The following ATG7 variants were observed in gnomAD, a reference collection of about 807,000 sequenced individuals.
ATG7 encodes the protein autophagy related 7, also known as ubiquitin-like modifier-activating enzyme ATG7.
Under a neutral mutation model 82.4 loss-of-function variants are expected in ATG7, and 70 were observed. The ratio of observed to expected loss-of-function variants is 0.85; its 90% CI spans 0.70 to 1.04. ATG7 has a LOEUF of 1.04. ATG7 is among the 50% of genes least tolerant of loss of function. The probability of loss-of-function intolerance (pLI) is 0.00; values close to 1 mark genes in which losing one functional copy is unlikely to be tolerated. For missense variants in ATG7, 792 were observed against 864.3 expected, an observed-to-expected ratio of 0.92 and a Z score of 1.05; for synonymous variants, 287 against 313.0, an observed-to-expected ratio of 0.92 and a Z score of 0.88.
At chr3:11,494,603 C>T (rs998539692) in intron 20 of ATG7, among the ~76,000 whole-genome samples, 1 of 152,178 alleles carries the variant, frequency 6.6e-6, no homozygotes, top group African/African-American at 2.4e-5. Context: ...TCTTTGGTTC[C>T]ATTTGGCAAA....
At chr3:11,294,779 C>T (rs1945590533) in intron 3 of ATG7, among the ~76,000 whole-genome samples, 1 of 152,104 alleles carries the variant, frequency 6.6e-6, no homozygotes, top group Non-Finnish European at 1.5e-5. Flanking sequence ...TTCTTTCCTC[C>T]ACAGGAAGTG....
At chr3:11,348,189 G>C in intron 14 of ATG7, 154 bp downstream of exon 14, 1 of 1,085,564 alleles carries the variant, frequency 9.2e-7, no homozygotes. Context: ...CCTCATCTCA[G>C]AGAGGGATAA....
chr3:11,548,774 C>T (rs1040389554), intron 20 of ATG7, among the ~76,000 whole-genome samples: 2 of 148,618 alleles, frequency 1.3e-5, no homozygotes, highest in Non-Finnish European at 3.0e-5. Flanking sequence ...GCTGGTTCCC[C>T]GCTGAGGGCC....
rs567005100 is a variant in ATG7 at position 11,358,187 on chromosome 3, T to C, written c.1285-231T>C. ...CCACTTTGGAACTGAGATCCGTATG[T>C]CTCTGTTTGCTGCCCTGCCCTGCCT... is the stretch of plus-strand genomic sequence containing the variant. On this transcript the variant is annotated intron_variant, in intron 14 of 20. Transcript: ENST00000693202. Among the ~76,000 whole-genome samples, 3 of 152,136 alleles carry C rather than the reference T, an allele frequency of 2.0e-5. No homozygotes were observed. The South Asian group carries it at 6.2e-4, about 32-fold the overall frequency.
At chr3:11,356,231 G>T (rs991753564) in intron 14 of ATG7, among the ~76,000 whole-genome samples, 1 of 152,210 alleles carries the variant, frequency 6.6e-6, no homozygotes, top group Non-Finnish European at 1.5e-5. Flanking sequence ...GTATGCAGTG[G>T]TTAATCTATC....
the ATG7 span, among the ~76,000 whole-genome samples, chr3:11,572,065 A>G: frequency 2.6e-5 from 4 of 152,114 alleles, no homozygotes; most frequent in Non-Finnish European, 5.9e-5. Flanking sequence ...TGAGATCTGC[A>G]CCACTGTATT....
Position 11,555,095 on chromosome 3 carries a change from A to G in ATG7, c.*252A>G, listed in dbSNP as rs2072277727. On this transcript the variant is annotated 3_prime_UTR_variant, in exon 21 of 21. Coordinates refer to ENST00000693202, the MANE Select transcript of ATG7 (RefSeq NM_001349232.2). ...CTATTGACCTGGGACTTGGTCCTCCATGCAGTTTTTATTTCTTGTCACAGT... is the reference window on the plus strand; with the variant it reads ...CTATTGACCTGGGACTTGGTCCTCCGTGCAGTTTTTATTTCTTGTCACAGT... The G allele has an allele frequency of 2.0e-6, 1 of 509,626 alleles. No homozygotes were observed. The highest frequency in any genetic ancestry group is 3.4e-6 in the Non-Finnish European group (1 of 290,328). The allele number at this position is 509,626 out of a possible 1,614,324, so 31.6% of individuals were successfully genotyped here.
chr3:11,574,706 T>A, the ATG7 span, among the ~76,000 whole-genome samples: 10 of 151,936 alleles, frequency 6.6e-5, no homozygotes, highest in Admixed American at 3.3e-4. Flanking sequence ...CACCCTGAGC[T>A]CATCACTCTA....
chr3:11,311,495 G>A (rs866007231), intron 7 of ATG7, among the ~76,000 whole-genome samples: 4 of 151,830 alleles, frequency 2.6e-5, no homozygotes, highest in East Asian at 1.9e-4. Context: ...CCAACTACTC[G>A]GGAGGCTGAG....
downstream of ATG7, among the ~76,000 whole-genome samples, chr3:11,560,208 G>A (rs928180721): frequency 3.9e-5 from 6 of 152,142 alleles, no homozygotes; most frequent in African/African-American, 9.7e-5. Context: ...CAAGTGCATC[G>A]GTCTGTCCAG....
At chr3:11,406,193 T>G (rs182841572) in intron 19 of ATG7, among the ~76,000 whole-genome samples, 2 of 152,292 alleles carry the variant, frequency 1.3e-5, no homozygotes, top group East Asian at 3.9e-4. Flanking sequence ...TTTCATCATA[T>G]TGCCAAGGCT....
At chr3:11,506,142 A>G (rs2091693457) in intron 20 of ATG7, among the ~76,000 whole-genome samples, 1 of 152,130 alleles carries the variant, frequency 6.6e-6, no homozygotes, top group Admixed American at 6.5e-5. Context: ...TACATTTATT[A>G]TTACTGAGTC....
intron 1 of ATG7, among the ~76,000 whole-genome samples, chr3:11,280,372 A>G (rs1942830730): frequency 6.6e-6 from 1 of 152,208 alleles, no homozygotes; most frequent in Non-Finnish European, 1.5e-5. Flanking sequence ...AGTAGGTGGT[A>G]TCCCCATCTA....
At chr3:11,311,991 G>A (rs1260211453) in intron 7 of ATG7, among the ~76,000 whole-genome samples, 1 of 151,284 alleles carries the variant, frequency 6.6e-6, no homozygotes, top group Non-Finnish European at 1.5e-5. Context: ...ACAGAAAATA[G>A]ATTAGTGGTT....
chr3:11,424,999 G>A (rs1348231739), intron 19 of ATG7, among the ~76,000 whole-genome samples: 1 of 151,354 alleles, frequency 6.6e-6, no homozygotes, highest in African/African-American at 2.4e-5. Context: ...TGAAGACTCT[G>A]TCACCCAGGT....
At position 11,442,204 on chromosome 3, in the gene ATG7, T is replaced by C. The variant is rs189106888; in HGVS notation, c.2079+15278T>C. Among the ~76,000 whole-genome samples the C allele has an allele frequency of 2.0e-5, 3 of 152,298 alleles. No homozygotes were observed. The East Asian group carries it at 5.8e-4, about 29-fold the overall frequency. On this transcript the variant is annotated intron_variant, in intron 20 of 20. Transcript: ENST00000693202. ...TAGTAAGCCAAGCTCTCTTCAGCCC[T>C]TAGCAGTGTGGGCCCAGAAACAGGG...
chr3:11,523,459 TC>T (rs1213136335), intron 20 of ATG7, among the ~76,000 whole-genome samples: 1 of 152,216 alleles, frequency 6.6e-6, no homozygotes, highest in Non-Finnish European at 1.5e-5. Flanking sequence ...TATGACTTGT[TC>T]CCGGACAACC....
chr3:11,302,914 A>G (rs1229970867), intron 5 of ATG7, among the ~76,000 whole-genome samples: 1 of 152,212 alleles, frequency 6.6e-6, no homozygotes, highest in Non-Finnish European at 1.5e-5. Flanking sequence ...CAACTGTCTT[A>G]AACTGGAATA....
intron 14 of ATG7, among the ~76,000 whole-genome samples, chr3:11,350,285 C>T (rs577460139): frequency 3.9e-5 from 6 of 152,300 alleles, no homozygotes; most frequent in South Asian, 2.1e-4. Context: ...AATAAGAATA[C>T]GTTGCAACCC....
Sources: gnomAD v4.1 joint callset for allele counts (sites outside exome capture counted in the v4.1 genomes callset) on GRCh38, gnomAD v4.1.1 for gene constraint, MANE v1.5 for transcripts, NCBI Gene and HGNC (gene_info 2026-07-23, HGNC 2026-07-21) for gene names.